The following ARID4B variants were observed in gnomAD, a reference collection of about 807,000 sequenced individuals.
ARID4B encodes AT-rich interaction domain 4B, also known as AT-rich interactive domain-containing protein 4B.
ARID4B carries 26 observed loss-of-function variants against 147.5 expected under a neutral mutation model. The observed-to-expected ratio is 0.18, with a 90% CI of 0.13 to 0.24. The LOEUF (loss-of-function observed/expected upper bound fraction) is 0.24, where lower values mean the gene tolerates loss of function less well. Ranked by LOEUF, ARID4B falls within the 10% of genes least tolerant of loss-of-function variation. The pLI is 1.00. For synonymous variants in ARID4B, 512 were observed against 507.9 expected (o/e 1.01, Z -0.11); for missense variants, 1,179 against 1,511.5 (o/e 0.78, Z 3.65).
chr1:235,256,132 C>A (rs1669973023), intron 4 of ARID4B, among the ~76,000 whole-genome samples: 1 of 144,620 alleles, frequency 6.9e-6, no homozygotes, highest in Non-Finnish European at 1.5e-5. Context: ...CGAGATCGCG[C>A]CACTGCACTC....
Position 235,236,833 on chromosome 1 carries a change from A to ATATATAT in ARID4B, c.586-2342_586-2341insATATATA, listed in dbSNP as rs1668597409. ...TGGCCCACAAAACGGTTTTATAAAA[A>ATATATAT]ATATATATATATATATATATATATA... On this transcript the variant is annotated intron_variant, in intron 8 of 23. Transcript: ENST00000264183. Among the ~76,000 whole-genome samples the ATATATAT allele has an allele frequency of 1.7e-3, 56 of 33,518 alleles. 6 individuals are homozygous for ATATATAT. The highest frequency in any genetic ancestry group is 5.2e-3 in the African/African-American group (35 of 6,718). The allele number at this position is 33,518 out of a possible 152,430, so 22.0% of individuals were successfully genotyped here.
chr1:235,231,064 CTT>C (rs771791202), intron 10 of ARID4B, 47 bp downstream of exon 10: 29 of 1,280,176 alleles, frequency 2.3e-5, no homozygotes, highest in Non-Finnish European at 3.0e-5. Flanking sequence ...TTCAAAAACA[CTT>C]TAGCAGTTTT....
At chr1:235,250,384 A>G (rs1669570962) in intron 6 of ARID4B, among the ~76,000 whole-genome samples, 1 of 152,204 alleles carries the variant, frequency 6.6e-6, no homozygotes, top group African/African-American at 2.4e-5. Flanking sequence ...CCAAATAAAG[A>G]GAAAAGAACA....
chr1:235,198,920 T>G (rs1215864700), intron 17 of ARID4B, among the ~76,000 whole-genome samples: 1 of 152,062 alleles, frequency 6.6e-6, no homozygotes, highest in Non-Finnish European at 1.5e-5. Flanking sequence ...GCCAATATGG[T>G]GAAACCCTGT....
In ARID4B at chr1:235,234,509, TGAA is replaced by T; in HGVS notation, c.586-20_586-18del. The T allele has an allele frequency of 6.4e-7, 1 of 1,551,076 alleles. No individual in the cohort carries two copies. Among genetic ancestry groups the T allele is most frequent in the Non-Finnish European group, 8.9e-7 (1 of 1,128,598 alleles). ...ACAAACCACCTTTTAAGAAAAAGGG[TGAA>T]GCTATTATAACTAAAAGAACTCATA... On this transcript the variant is annotated intron_variant, in intron 8 of 23. Coordinates refer to ENST00000264183, the MANE Select transcript of ARID4B (RefSeq NM_016374.6).
chr1:235,256,700 T>C (rs546568333), intron 4 of ARID4B, among the ~76,000 whole-genome samples: 5 of 152,326 alleles, frequency 3.3e-5, no homozygotes, highest in African/African-American at 1.2e-4. Context: ...TTTCTCACTT[T>C]TCAGATCATC....
At chr1:235,190,993 A>G (rs1199825497) in intron 19 of ARID4B, among the ~76,000 whole-genome samples, 25 of 152,198 alleles carry the variant, frequency 1.6e-4, no homozygotes, top group Admixed American at 1.6e-3. Flanking sequence ...AGTGACCCAG[A>G]CTGGATTTTA....
At chr1:235,222,531 T>G (rs971721195) in intron 13 of ARID4B, among the ~76,000 whole-genome samples, 2 of 152,180 alleles carry the variant, frequency 1.3e-5, no homozygotes, top group Non-Finnish European at 2.9e-5. Context: ...GACAGATCCC[T>G]GCTCTTAAGG....
chr1:235,196,904 G>T (rs969240329), intron 17 of ARID4B, among the ~76,000 whole-genome samples: 4 of 134,730 alleles, frequency 3.0e-5, no homozygotes, highest in African/African-American at 1.2e-4. Context: ...ATATTGTAAC[G>T]TATGGATAAT....
Position 235,243,858 on chromosome 1 carries a change from G to A in ARID4B, c.446+2562C>T, listed in dbSNP as rs372833224. ...ACCTATGTACGCTTAACTATAAAAGGGTTTTAATTTTTTTCTCAATTTTTA... is the reference window on the plus strand; with the variant it reads ...ACCTATGTACGCTTAACTATAAAAGAGTTTTAATTTTTTTCTCAATTTTTA... On this transcript the variant is annotated intron_variant, in intron 7 of 23. Coordinates refer to ENST00000264183, the MANE Select transcript of ARID4B (RefSeq NM_016374.6). Among the ~76,000 whole-genome samples, 7 of 152,128 alleles carry A rather than the reference G, an allele frequency of 4.6e-5. No homozygotes were observed. The South Asian group carries it at 8.3e-4, about 18-fold the overall frequency.
rs187963059 is a variant in ARID4B, at chr1:235,208,257, T to C, written c.1841+5512A>G. 9.2e-4 allele frequency among the ~76,000 whole-genome samples: 140 copies of C among 152,336 alleles called. 1 individual carries two copies. Among genetic ancestry groups the C allele is most frequent in the South Asian group, 1.2e-3 (6 of 4,828 alleles). ...CTAGTTTACGGCATGTTAATTTCAA[T>C]GTGTACCCTTACTTTCAAAAATCAA... On this transcript the variant is annotated intron_variant, in intron 17 of 23. Coordinates refer to ENST00000264183, the MANE Select transcript of ARID4B (RefSeq NM_016374.6).
chr1:235,234,614 G>C (rs1488154463), intron 8 of ARID4B, 122 bp from the exon 9 acceptor site: 4 of 641,958 alleles, frequency 6.2e-6, no homozygotes, highest in Non-Finnish European at 7.8e-6. Flanking sequence ...TAGTTTGAGG[G>C]TAAACAGGCA....
chr1:235,284,249 A>G (rs1671837789), intron 2 of ARID4B, among the ~76,000 whole-genome samples: 1 of 152,136 alleles, frequency 6.6e-6, no homozygotes, highest in Admixed American at 6.5e-5. Context: ...AATCTCAGCT[A>G]TTCGGGAGGC....
chr1:235,327,650 C>G, intron 1 of ARID4B, 119 bp downstream of exon 1: 1 of 152,382 alleles, frequency 6.6e-6, no homozygotes, highest in East Asian at 1.9e-4. Context: ...AGGCCGAGGC[C>G]CCGAATTCGG....
chr1:235,200,413 C>T (rs899021306), intron 17 of ARID4B, among the ~76,000 whole-genome samples: 3 of 152,052 alleles, frequency 2.0e-5, no homozygotes, highest in African/African-American at 4.8e-5. Flanking sequence ...GAGCCGAGAT[C>T]GCATGCCACG....
At chr1:235,238,682 C>A (rs1199789131) in intron 8 of ARID4B, among the ~76,000 whole-genome samples, 1 of 151,974 alleles carries the variant, frequency 6.6e-6, no homozygotes, top group Non-Finnish European at 1.5e-5. Flanking sequence ...ATAGGGAGAC[C>A]TCGTATTTAC....
At chr1:235,181,081 C>T (rs1664280272) in intron 20 of ARID4B, 5 of 1,015,216 alleles carry the variant, frequency 4.9e-6, no homozygotes, top group African/African-American at 1.7e-5. Context: ...ACAAGTTAGT[C>T]AGGCTTGAAA....
intron 2 of ARID4B, among the ~76,000 whole-genome samples, chr1:235,300,412 G>A (rs977310263): frequency 6.8e-5 from 7 of 103,334 alleles, no homozygotes; most frequent in Non-Finnish European, 1.1e-4. Flanking sequence ...ATGAGACTCC[G>A]TCTCATAAAA....
chr1:235,319,015 G>A (rs1674634875), intron 2 of ARID4B, among the ~76,000 whole-genome samples: 2 of 152,148 alleles, frequency 1.3e-5, no homozygotes, highest in South Asian at 2.1e-4. Context: ...GATAGCTAGG[G>A]ATAAGTAACG....
Sources: allele counts gnomAD v4.1 joint callset (sites outside exome capture counted in the v4.1 genomes callset), GRCh38; gene constraint gnomAD v4.1.1; transcripts MANE v1.5; gene names NCBI Gene and HGNC (gene_info 2026-07-23, HGNC 2026-07-21).